TRPM5: variants seen among roughly 807,000 people sequenced by gnomAD.
TRPM5 encodes MLSN1 and TRP-related.
Under a neutral mutation model 124.9 loss-of-function variants are expected in TRPM5, and 121 were observed. The observed-to-expected ratio is 0.97, with a 90% confidence interval of 0.84 to 1.13. The LOEUF (loss-of-function observed/expected upper bound fraction) is 1.13, where lower values mean the gene tolerates loss of function less well. Ranked by LOEUF, TRPM5 falls within the 50% of genes most tolerant of loss-of-function variation. The pLI is 0.00. For synonymous variants in TRPM5, 781 were observed against 700.5 expected (o/e 1.11, Z -1.81); for missense variants, 1,643 against 1,589.1 (o/e 1.03, Z -0.58).
At position 2,407,341 on chromosome 11, in the gene TRPM5, C is replaced by T. The variant is rs369160570; in HGVS notation, c.2937-41G>A. On this transcript the variant is annotated intron_variant, in intron 19 of 23. Coordinates refer to ENST00000155858, the Ensembl canonical transcript of TRPM5. ...TGAGCCGTCACCTACCGGCTCCCCA[C>T]GACCACTTGGGGGACGCATCCCCCT... is the stretch of plus-strand genomic sequence containing the variant. The T allele has an allele frequency of 4.3e-5, 67 of 1,570,574 alleles. No homozygotes were observed. The Admixed American group carries it at 5.6e-4, about 13-fold the overall frequency.
At chr11:2,429,538 G>A in the TRPM5 span, among the ~76,000 whole-genome samples, 4 of 151,932 alleles carry the variant, frequency 2.6e-5, no homozygotes, top group South Asian at 8.4e-4. The surrounding 1 kb of genome is among the most constrained non-coding windows in gnomAD (Gnocchi z 8.4). Context: ...TGATGGTCAT[G>A]ATGGTGGTGG....
downstream of TRPM5, among the ~76,000 whole-genome samples, chr11:2,404,182 A>G (rs1216078719): frequency 6.6e-6 from 1 of 152,188 alleles, no homozygotes; most frequent in Non-Finnish European, 1.5e-5. Flanking sequence ...TTGGGAAGCG[A>G]AAGGGAGATG....
intron 6 of TRPM5, 54 bp downstream of exon 11, chr11:2,418,113 C>G: frequency 1.4e-6 from 2 of 1,461,620 alleles, no homozygotes; most frequent in Non-Finnish European, 1.8e-6. Context: ...CCCAGAGGAC[C>G]AGCCCCACCC....
At chr11:2,423,119 G>A (rs1012456024), upstream of TRPM5, 138 of 1,177,618 alleles carry the variant, frequency 1.2e-4, no homozygotes, top group Middle Eastern at 2.8e-4. Flanking sequence ...CAGGGGGCTG[G>A]CTCTGCTTTC....
At chr11:2,417,187 C>T (rs953791531) in intron 7 of TRPM5, among the ~76,000 whole-genome samples, 3 of 152,210 alleles carry the variant, frequency 2.0e-5, no homozygotes, top group Non-Finnish European at 2.9e-5. Context: ...TGCGGTGGCT[C>T]ACGCCTGTAA....
rs781011740 is a variant in TRPM5 at position 2,413,231 on chromosome 11, G to A, written c.2004-5C>T. 38 of 1,539,310 alleles carry A rather than the reference G, an allele frequency of 2.5e-5. No homozygotes were observed. Among genetic ancestry groups the A allele is most frequent in the Non-Finnish European group, 2.4e-5 (28 of 1,143,146 alleles). On this transcript the variant is annotated splice_region_variant and splice_polypyrimidine_tract_variant and intron_variant, in intron 13 of 23. Coordinates refer to ENST00000155858, the Ensembl canonical transcript of TRPM5. ...GTCCTCAGGGGAGCTTCCTCACTGCGAGCACAGGAGAGCTCAGGGCCCGCA... is the reference window on the plus strand; with the variant it reads ...GTCCTCAGGGGAGCTTCCTCACTGCAAGCACAGGAGAGCTCAGGGCCCGCA...
chr11:2,426,284 C>G (rs1050264608), upstream of TRPM5, among the ~76,000 whole-genome samples: 1 of 152,196 alleles, frequency 6.6e-6, no homozygotes, highest in Non-Finnish European at 1.5e-5. Context: ...TGCCCCATGC[C>G]CAGGCTCGGT....
exon 13 of TRPM5, chr11:2,413,476 C>T: frequency 6.2e-7 from 1 of 1,607,836 alleles, no homozygotes; most frequent in Admixed American, 1.7e-5. Flanking sequence ...CCTCACCCAC[C>T]TGAAGGTGAT....
In TRPM5 at chr11:2,406,228, A is replaced by G. The variant is rs1389568698; in HGVS notation, c.3252-137T>C. 12 of 889,496 alleles carry G rather than the reference A, an allele frequency of 1.3e-5. No individual in the cohort carries two copies. The East Asian group carries it at 2.8e-4, about 21-fold the overall frequency. 55.1% of individuals were successfully genotyped at this position (889,496 alleles called of 1,614,324 possible). ...CCCTTTCCCTTCCTCCCTCATGCCC[A>G]GATCTGGTGGCACCAGGACCCCTCA... On this transcript the variant is annotated intron_variant, in intron 21 of 23. Coordinates refer to ENST00000155858, the Ensembl canonical transcript of TRPM5.
At chr11:2,418,077 G>A in intron 6 of TRPM5, 90 bp downstream of exon 11, 1 of 1,252,966 alleles carries the variant, frequency 8.0e-7, no homozygotes. Context: ...GGAGGAGTGG[G>A]CTGGAGGCTG....
chr11:2,412,697 G>A (rs944856384), intron 15 of TRPM5, 57 bp downstream of exon 20: 10 of 1,507,104 alleles, frequency 6.6e-6, no homozygotes, highest in Non-Finnish European at 8.9e-6. Context: ...ACCCAGCTTA[G>A]GTTGCCCAAC....
chr11:2,407,650 C>T (rs1850350591), intron 19 of TRPM5, 109 bp downstream of exon 24: 1 of 1,434,188 alleles, frequency 7.0e-7, no homozygotes, highest in South Asian at 1.3e-5. Flanking sequence ...GGCACCAAGC[C>T]TCACCCTCTG....
the TRPM5 span, among the ~76,000 whole-genome samples, chr11:2,432,383 G>A: frequency 6.6e-6 from 1 of 152,226 alleles, no homozygotes; most frequent in South Asian, 2.1e-4. Flanking sequence ...CCCAGCCCCT[G>A]CCCCCACGGG....
chr11:2,411,729 A>G lies in TRPM5; in HGVS notation c.2513T>C (p.Leu838Pro). The stretch of plus-strand genomic sequence containing the variant: ...CGTGAACACCATGAAGTCCATGGCG[A>G]GGACTGTGCGGCCAGCCTCAAACGC... Residue 838 changes from leucine (L) to proline (P), a missense_variant, in exon 17 of 24, where the codon CTC becomes CCC. Coordinates refer to ENST00000155858, the Ensembl canonical transcript of TRPM5. 3 of 1,612,668 alleles carry G rather than the reference A, an allele frequency of 1.9e-6. No homozygotes were observed. Among genetic ancestry groups the G allele is most frequent in the East Asian group, 2.2e-5 (1 of 44,844 alleles).
chr11:2,436,063 T>C, the TRPM5 span, among the ~76,000 whole-genome samples: 1 of 152,194 alleles, frequency 6.6e-6, no homozygotes, highest in African/African-American at 2.4e-5. Context: ...CACCTTCCGC[T>C]CCCCTGACCT....
the TRPM5 span, among the ~76,000 whole-genome samples, chr11:2,439,568 T>C: frequency 6.6e-6 from 1 of 152,158 alleles, no homozygotes. Context: ...AACAAGCATA[T>C]AAAAGAAAGC....
At chr11:2,431,552 C>T in the TRPM5 span, among the ~76,000 whole-genome samples, 1 of 152,186 alleles carries the variant, frequency 6.6e-6, no homozygotes, top group Non-Finnish European at 1.5e-5. Flanking sequence ...TCCCCAGCCA[C>T]CCCTGGTTCA....
chr11:2,418,368 G>A lies in TRPM5; in HGVS notation c.715-10C>T, dbSNP rs1467599347. The A allele has an allele frequency of 1.3e-6, 2 of 1,542,266 alleles. No homozygotes were observed. The highest frequency in any genetic ancestry group is 2.4e-5 in the South Asian group (2 of 84,326). On this transcript the variant is annotated splice_polypyrimidine_tract_variant and intron_variant, in intron 5 of 23. Coordinates refer to ENST00000155858, the Ensembl canonical transcript of TRPM5. ...CGGCCCTGGAGATCCTCTGAGACGG[G>A]GAGGGAGGGGAGAGCGGACCCCAGA...
At chr11:2,421,158 G>T in exon 3 of TRPM5, 1 of 1,542,222 alleles carries the variant, frequency 6.5e-7, no homozygotes. Flanking sequence ...CGACATGCCT[G>T]GCCAGGCCCA....
Sources: gnomAD v4.1 joint callset for allele counts (sites outside exome capture counted in the v4.1 genomes callset) on GRCh38, gnomAD v4.1.1 for gene constraint, Gnocchi (gnomAD v3.1) non-coding constraint, MANE v1.5 for transcripts, NCBI Gene and HGNC (gene_info 2026-07-23, HGNC 2026-07-21) for gene names.